Variants in ZNRF1 observed in about 807,000 individuals in gnomAD.
The protein encoded by ZNRF1 is zinc and ring finger 1, also known as E3 ubiquitin-protein ligase ZNRF1.
Under a neutral mutation model 18.4 loss-of-function variants are expected in ZNRF1, and 3 were observed. That is an observed-to-expected ratio of 0.16 (90% confidence interval 0.07 to 0.42). The LOEUF (loss-of-function observed/expected upper bound fraction) is 0.42, where lower values mean the gene tolerates loss of function less well. ZNRF1 is among the 10% of genes least tolerant of loss of function. ZNRF1 has a pLI of 0.99. For missense variants in ZNRF1, 310 were observed against 329.8 expected, an observed-to-expected ratio of 0.94 and a Z score of 0.47; for synonymous variants, 157 against 144.2, an observed-to-expected ratio of 1.09 and a Z score of -0.64.
chr16:75,022,434 C>A (rs1195556386), intron 1 of ZNRF1, among the ~76,000 whole-genome samples: 1 of 146,576 alleles, frequency 6.8e-6, no homozygotes, highest in East Asian at 2.1e-4. Flanking sequence ...GGCATGGTGG[C>A]GGGCACCTGA....
chr16:75,061,442 T>C (rs1412555650), intron 1 of ZNRF1, among the ~76,000 whole-genome samples: 2 of 152,074 alleles, frequency 1.3e-5, no homozygotes, highest in African/African-American at 4.8e-5. Flanking sequence ...TCACTTAACA[T>C]AATGATCTCC....
intron 1 of ZNRF1, among the ~76,000 whole-genome samples, chr16:75,031,135 C>T (rs2035297453): frequency 6.9e-6 from 1 of 145,976 alleles, no homozygotes; most frequent in Non-Finnish European, 1.5e-5. Context: ...TGCGCCCCAC[C>T]TGTTTTTTTT....
chr16:75,000,722 C>T (rs1020355910), intron 1 of ZNRF1, among the ~76,000 whole-genome samples: 1 of 152,184 alleles, frequency 6.6e-6, no homozygotes, highest in Middle Eastern at 3.2e-3. Context: ...TTGCAGGACC[C>T]GGGCTGTGGT....
At chr16:75,025,010 T>C (rs2035201671) in intron 1 of ZNRF1, among the ~76,000 whole-genome samples, 1 of 152,206 alleles carries the variant, frequency 6.6e-6, no homozygotes. Flanking sequence ...TAATGTCCTC[T>C]TCATTGTTTC....
chr16:75,008,205 T>G (rs1273721310), intron 1 of ZNRF1, among the ~76,000 whole-genome samples: 2 of 152,184 alleles, frequency 1.3e-5, no homozygotes, highest in Non-Finnish European at 2.9e-5. Context: ...TCTAGTCAGA[T>G]ATTTGCTAAG....
chr16:75,097,770 C>G (rs1381850533), intron 2 of ZNRF1, among the ~76,000 whole-genome samples: 1 of 152,166 alleles, frequency 6.6e-6, no homozygotes, highest in Non-Finnish European at 1.5e-5. Flanking sequence ...TGAGCTTGAT[C>G]ACGCCACTGC....
At chr16:75,043,838 G>A (rs2035481676) in intron 1 of ZNRF1, among the ~76,000 whole-genome samples, 1 of 78,220 alleles carries the variant, frequency 1.3e-5, no homozygotes, top group South Asian at 4.6e-4. Flanking sequence ...TGCCCAGGCT[G>A]GAGGGTAATG....
intron 2 of ZNRF1, among the ~76,000 whole-genome samples, chr16:75,094,964 G>C (rs1415236874): frequency 6.6e-6 from 1 of 152,164 alleles, no homozygotes; most frequent in Non-Finnish European, 1.5e-5. Context: ...AGCCCAGCGA[G>C]AATGTTTCCT....
At chr16:75,062,882 T>C (rs1567483149) in intron 1 of ZNRF1, among the ~76,000 whole-genome samples, 1 of 152,214 alleles carries the variant, frequency 6.6e-6, no homozygotes, top group Non-Finnish European at 1.5e-5. Context: ...GACAATATTA[T>C]AGAACATTTA....
At chr16:75,036,978 T>C (rs1021164585) in intron 1 of ZNRF1, among the ~76,000 whole-genome samples, 3 of 152,240 alleles carry the variant, frequency 2.0e-5, no homozygotes, top group Non-Finnish European at 4.4e-5. Context: ...ACAGTTCTTG[T>C]GTGCCTGTTC....
rs1334552920 is a variant in ZNRF1 at position 75,010,701 on chromosome 16, G to GTTTTTTTTTTTTT, written c.424+10615_424+10616insTTTTTTTTTTTTT. ...AAATTAGTCACCTCTGTACTGTACT[G>GTTTTTTTTTTTTT]TTTTTTTTTGTTTTTTTGTTTTTTT... On this transcript the variant is annotated intron_variant, in intron 1 of 4. Coordinates refer to ENST00000335325, the MANE Select transcript of ZNRF1 (RefSeq NM_032268.5). 1.3e-3 allele frequency among the ~76,000 whole-genome samples: 85 copies of GTTTTTTTTTTTTT among 63,794 alleles called. 4 individuals carry two copies. The highest frequency in any genetic ancestry group is 2.9e-3 in the African/African-American group (64 of 22,318). The allele number at this position is 63,794 out of a possible 152,430, so 41.9% of individuals were successfully genotyped here.
chr16:75,043,209 C>T (rs576304072), intron 1 of ZNRF1, among the ~76,000 whole-genome samples: 1 of 152,206 alleles, frequency 6.6e-6, no homozygotes, highest in African/African-American at 2.4e-5. Flanking sequence ...GTCTGGTTCC[C>T]TCAGCCCTGA....
intron 1 of ZNRF1, among the ~76,000 whole-genome samples, chr16:75,058,683 G>C (rs1188356098): frequency 1.3e-5 from 2 of 152,286 alleles, no homozygotes; most frequent in African/African-American, 4.8e-5. Flanking sequence ...AAGGGATTTG[G>C]GTTGAGTTTG....
chr16:75,057,718 T>G (rs558863107), intron 1 of ZNRF1, among the ~76,000 whole-genome samples: 1 of 152,282 alleles, frequency 6.6e-6, no homozygotes, highest in East Asian at 1.9e-4. Flanking sequence ...TTACTGCAAC[T>G]TCCGTCTCCC....
intron 2 of ZNRF1, among the ~76,000 whole-genome samples, chr16:75,101,424 T>A (rs1390872767): frequency 6.6e-6 from 1 of 152,058 alleles, no homozygotes; most frequent in Non-Finnish European, 1.5e-5. Flanking sequence ...TGTGGTGGCA[T>A]GCACCTGTAG....
intron 1 of ZNRF1, among the ~76,000 whole-genome samples, chr16:75,029,733 C>T (rs2035275375): frequency 6.6e-6 from 1 of 151,984 alleles, no homozygotes; most frequent in Admixed American, 6.6e-5. Context: ...CATGCCACTG[C>T]ACTCTAGCCT....
At chr16:75,000,559 G>A (rs183015409) in intron 1 of ZNRF1, among the ~76,000 whole-genome samples, 98 of 152,338 alleles carry the variant, frequency 6.4e-4, no homozygotes, top group Non-Finnish European at 9.7e-4. Flanking sequence ...CTGGATTAGG[G>A]CTCTCACTCT....
At chr16:75,087,499 CAGTG>C (rs2036087570) in intron 1 of ZNRF1, among the ~76,000 whole-genome samples, 1 of 152,188 alleles carries the variant, frequency 6.6e-6, no homozygotes, top group African/African-American at 2.4e-5. Flanking sequence ...GCTGTGTAAA[CAGTG>C]AGCTGATCTG....
chr16:75,082,931 T>C (rs1362094270), intron 1 of ZNRF1, among the ~76,000 whole-genome samples: 1 of 152,234 alleles, frequency 6.6e-6, no homozygotes, highest in African/African-American at 2.4e-5. Flanking sequence ...ATTTTTCATA[T>C]GTTCATTGAT....
Sources: gnomAD v4.1 joint callset for allele counts (sites outside exome capture counted in the v4.1 genomes callset) on GRCh38, gnomAD v4.1.1 for gene constraint, MANE v1.5 for transcripts, NCBI Gene and HGNC (gene_info 2026-07-23, HGNC 2026-07-21) for gene names.